Variants in GPR83 observed in about 807,000 individuals in gnomAD.
The protein encoded by GPR83 is G-protein coupled receptor 72.
A neutral mutation model predicts 28.0 loss-of-function variants in GPR83; 23 were observed. The ratio of observed to expected loss-of-function variants is 0.82; its 90% CI spans 0.59 to 1.16. GPR83 has a LOEUF of 1.16. Among genes scored for constraint, GPR83 ranks in the 50% most tolerant of loss-of-function variants. The probability of loss-of-function intolerance (pLI) is 0.00; values close to 1 mark genes in which losing one functional copy is unlikely to be tolerated. For synonymous variants in GPR83, 234 were observed against 215.4 expected, an observed-to-expected ratio of 1.09 and a Z score of -0.76; for missense variants, 610 against 536.6, an observed-to-expected ratio of 1.14 and a Z score of -1.35.
chr11:94,381,282 C>T (rs1251390735), intron 3 of GPR83, among the ~76,000 whole-genome samples: 2 of 152,148 alleles, frequency 1.3e-5, no homozygotes, highest in Non-Finnish European at 2.9e-5. Flanking sequence ...CAGTCCTCTT[C>T]AGCCTTTTTA....
rs1189863677 is a variant in GPR83, at chr11:94,378,277, C to A, written c.*1872G>T. 1 of 152,194 alleles carries A rather than the reference C, an allele frequency of 6.6e-6. No individual in the cohort carries two copies. Among genetic ancestry groups the A allele is most frequent in the African/African-American group, 2.4e-5 (1 of 41,448 alleles). The allele number at this position is 152,194 out of a possible 1,614,324, so 9.4% of individuals were successfully genotyped here. ...GGGAAGCAGATGATGTGAGCAAGTT[C>A]AGTTTCAGTTAACAGCCAAGAGGTC... On this transcript the variant is annotated 3_prime_UTR_variant, in exon 4 of 4. Transcript: ENST00000243673.
intron 3 of GPR83, among the ~76,000 whole-genome samples, chr11:94,383,506 AG>A (rs952368388): frequency 6.6e-6 from 1 of 152,224 alleles, no homozygotes; most frequent in African/African-American, 2.4e-5. Flanking sequence ...TGATGGAGAT[AG>A]AGACAAAAAA....
At chr11:94,391,094 C>G (rs1021501919) in intron 3 of GPR83, among the ~76,000 whole-genome samples, 1 of 152,168 alleles carries the variant, frequency 6.6e-6, no homozygotes, top group Non-Finnish European at 1.5e-5. Flanking sequence ...CTACAGTAAC[C>G]AAAACAGCAT....
chr11:94,380,629 C>A lies in GPR83; in HGVS notation c.792G>T (p.Lys264Asn). ...IISVAYARVA[K>N]KLWLCNMIGD... ...CAATCATATTACACAGCCACAGTTTCTTGGCCACACGAGCGTAGGCCACAG... is the reference window on the plus strand; with the variant it reads ...CAATCATATTACACAGCCACAGTTTATTGGCCACACGAGCGTAGGCCACAG... Residue 264 changes from lysine to asparagine, a missense_variant, in exon 4 of 4, where the codon AAG becomes AAT. Physicochemically the swap from Lys to Asn is moderately conservative, Grantham distance 94. Transcript: ENST00000243673. 6.2e-7 allele frequency: 1 copy of A among 1,614,084 alleles called. No individual in the cohort carries two copies. The highest frequency in any genetic ancestry group is 8.5e-7 in the Non-Finnish European group (1 of 1,180,014).
chr11:94,386,543 G>T (rs554322592), intron 3 of GPR83, among the ~76,000 whole-genome samples: 26 of 152,272 alleles, frequency 1.7e-4, no homozygotes, highest in African/African-American at 6.0e-4. Context: ...CGCAGGGGTT[G>T]CAATCCTAGT....
At chr11:94,399,705 G>C (rs921181341) in intron 1 of GPR83, among the ~76,000 whole-genome samples, 5 of 152,210 alleles carry the variant, frequency 3.3e-5, no homozygotes, top group African/African-American at 1.2e-4. Context: ...CAAGGAGACA[G>C]ACAGAGAGGG....
chr11:94,400,973 A>T lies in GPR83; in HGVS notation c.275T>A (p.Val92Asp). The T allele has an allele frequency of 1.2e-6, 2 of 1,614,140 alleles. No homozygotes were observed. Among genetic ancestry groups the T allele is most frequent in the Non-Finnish European group, 1.7e-6 (2 of 1,179,970 alleles). ...CTGGTTCTTGAAGATGACATGACAG[A>T]CCAGGACGTTGCCAAAGAGTGAGAA... The part of the protein sequence containing the change: ...IVFSLFGNVL[V>D]CHVIFKNQRM... Residue 92 changes from valine to aspartate, a missense_variant, in exon 1 of 4, where the codon GTC becomes GAC. Physicochemically the swap from Val to Asp is radical, Grantham distance 152. Coordinates refer to ENST00000243673, the MANE Select transcript of GPR83 (RefSeq NM_016540.4).
At chr11:94,395,475 A>G (rs1351570882) in intron 2 of GPR83, among the ~76,000 whole-genome samples, 3 of 152,232 alleles carry the variant, frequency 2.0e-5, no homozygotes, top group Non-Finnish European at 2.9e-5. Context: ...TTGGAGCCAG[A>G]CAGACCTCAG....
rs558018994 is a variant in GPR83 at position 94,389,276 on chromosome 11, T to A, written c.647+4209A>T. On this transcript the variant is annotated intron_variant, in intron 3 of 3. Coordinates refer to ENST00000243673, the MANE Select transcript of GPR83 (RefSeq NM_016540.4). Reference sequence around the variant, plus strand: ...GACACAGGCATGGGCAAGGACTTCATGTCTAAAACACCAAAAGCAACGGCA... The same window carrying A: ...GACACAGGCATGGGCAAGGACTTCAAGTCTAAAACACCAAAAGCAACGGCA... Among the ~76,000 whole-genome samples, 323 of 152,326 alleles carry A rather than the reference T, an allele frequency of 2.1e-3. 1 individual carries two copies. Among genetic ancestry groups the A allele is most frequent in the Non-Finnish European group, 3.6e-3 (246 of 68,038 alleles).
Position 94,379,922 on chromosome 11 carries a change from C to T in GPR83, c.*227G>A. The T allele has an allele frequency of 2.6e-6, 1 of 387,104 alleles. No homozygotes were observed. The highest frequency in any genetic ancestry group is 4.6e-6 in the Non-Finnish European group (1 of 217,096). The allele number at this position is 387,104 out of a possible 1,614,324, so 24.0% of individuals were successfully genotyped here. The stretch of plus-strand genomic sequence containing the variant: ...CAGAGATACAGGCTGCTGTGCCTCC[C>T]AGTGTTTCTTAGATGGGAATTTATG... On this transcript the variant is annotated 3_prime_UTR_variant, in exon 4 of 4. Transcript: ENST00000243673.
chr11:94,390,272 A>C (rs562641145), intron 3 of GPR83, among the ~76,000 whole-genome samples: 1 of 152,150 alleles, frequency 6.6e-6, no homozygotes, highest in Non-Finnish European at 1.5e-5. Flanking sequence ...ATACACATGT[A>C]ACAAACCTGC....
At chr11:94,382,128 G>A (rs532734471) in intron 3 of GPR83, among the ~76,000 whole-genome samples, 12 of 152,194 alleles carry the variant, frequency 7.9e-5, no homozygotes, top group East Asian at 7.7e-4. Flanking sequence ...CGAGATGGGC[G>A]GATCACCTGA....
At chr11:94,388,085 C>T (rs959073701) in intron 3 of GPR83, among the ~76,000 whole-genome samples, 7 of 152,198 alleles carry the variant, frequency 4.6e-5, no homozygotes, top group African/African-American at 1.7e-4. Context: ...ACACGATTAT[C>T]TCAATAGATG....
Position 94,396,624 on chromosome 11 carries a change from A to G in GPR83, c.388-100T>C, listed in dbSNP as rs1325927276. 7.9e-6 allele frequency: 9 copies of G among 1,141,808 alleles called. No homozygotes were observed. The East Asian group carries it at 1.4e-4, about 18-fold the overall frequency. The allele number at this position is 1,141,808 out of a possible 1,614,324, so 70.7% of individuals were successfully genotyped here. ...AGCATGCCCTTAGGGGGATTCCTCC[A>G]GCTCCTCCCTTCTTTCTGTCTATGA... On this transcript the variant is annotated intron_variant, in intron 1 of 3. Transcript: ENST00000243673.
At position 94,385,770 on chromosome 11, in the gene GPR83, C is replaced by A. The variant is rs1010363434; in HGVS notation, c.648-4997G>T. Reference sequence around the variant, plus strand: ...GAGAATGGAACCAAGTTGGAAAACACTCTGCAGGATATTATCCAGGAGAAA... The same window carrying A: ...GAGAATGGAACCAAGTTGGAAAACAATCTGCAGGATATTATCCAGGAGAAA... On this transcript the variant is annotated intron_variant, in intron 3 of 3. Coordinates refer to ENST00000243673, the MANE Select transcript of GPR83 (RefSeq NM_016540.4). Among the ~76,000 whole-genome samples, 14 of 152,338 alleles carry A rather than the reference C, an allele frequency of 9.2e-5. No individual in the cohort carries two copies. In the East Asian group the frequency reaches 2.7e-3, roughly 29 times the overall value.
At chr11:94,397,677 A>C (rs1944879053) in intron 1 of GPR83, among the ~76,000 whole-genome samples, 1 of 152,248 alleles carries the variant, frequency 6.6e-6, no homozygotes, top group African/African-American at 2.4e-5. Context: ...TAGGTACAAC[A>C]GTGCCTAGTA....
rs1944677857 is a variant in GPR83 at position 94,380,648 on chromosome 11, G to A, written c.773C>T (p.Ala258Val). 6.2e-7 allele frequency: 1 copy of A among 1,613,960 alleles called. No homozygotes were observed. Among genetic ancestry groups the A allele is most frequent in the South Asian group, 1.1e-5 (1 of 91,068 alleles). Residue 258 changes from alanine (A) to valine (V), a missense_variant, in exon 4 of 4, where the codon GCC (alanine) becomes GTC (valine). Coordinates refer to ENST00000243673, the MANE Select transcript of GPR83 (RefSeq NM_016540.4). ...CAGTTTCTTGGCCACACGAGCGTAG[G>A]CCACAGAGATGATGAGGAGGGGCAG... ...YILPLLIISV[A>V]YARVAKKLWL...
chr11:94,396,703 T>C (rs73515332), intron 1 of GPR83, among the ~76,000 whole-genome samples, 179 bp from the exon 2 acceptor site: 4,194 of 152,238 alleles, frequency 0.028, 190 homozygotes, highest in African/African-American at 0.097. Context: ...TTTTCATTCA[T>C]TCAATTCAAC....
At position 94,380,112 on chromosome 11, in the gene GPR83, G is replaced by A. The variant is rs1944669449; in HGVS notation, c.*37C>T. ...AGGCTCTCTTTCCCTGCCTCAGGTG[G>A]AGACAGACCCCTCCCACTCCCTCTT... On this transcript the variant is annotated 3_prime_UTR_variant, in exon 4 of 4. Coordinates refer to ENST00000243673, the MANE Select transcript of GPR83 (RefSeq NM_016540.4). 1 of 1,479,142 alleles carries A rather than the reference G, an allele frequency of 6.8e-7. No individual in the cohort carries two copies. Among genetic ancestry groups the A allele is most frequent in the Non-Finnish European group, 9.0e-7 (1 of 1,108,272 alleles). 91.6% of individuals were successfully genotyped at this position (1,479,142 alleles called of 1,614,324 possible). A position where few individuals can be genotyped will look rare whatever the true frequency, so the allele number is the denominator to read the frequency against.
Sources: gnomAD v4.1 joint callset for allele counts (sites outside exome capture counted in the v4.1 genomes callset) on GRCh38, gnomAD v4.1.1 for gene constraint, MANE v1.5 for transcripts, NCBI Gene and HGNC (gene_info 2026-07-23, HGNC 2026-07-21) for gene names.